Variants in MAPK10 observed in about 807,000 individuals in gnomAD.
MAPK10 encodes JNK3 alpha protein kinase.
Under a neutral mutation model 59.3 loss-of-function variants are expected in MAPK10, and 25 were observed. The observed-to-expected ratio is 0.42, with a 90% CI of 0.31 to 0.59. The LOEUF (loss-of-function observed/expected upper bound fraction) is 0.59, where lower values mean the gene tolerates loss of function less well. MAPK10 is among the 20% of genes least tolerant of loss of function. The pLI is 0.15. For synonymous variants in MAPK10, 190 were observed against 200.5 expected, an observed-to-expected ratio of 0.95 and a Z score of 0.44; for missense variants, 351 against 568.9, an observed-to-expected ratio of 0.62 and a Z score of 3.90.
chr4:86,591,672 C>A (rs1357524622), intron 1 of MAPK10, among the ~76,000 whole-genome samples: 1 of 152,132 alleles, frequency 6.6e-6, no homozygotes, highest in Non-Finnish European at 1.5e-5. Context: ...CTGTGCCCCA[C>A]CCCCCGTATG....
chr4:86,350,492 G>A (rs534660229), intron 2 of MAPK10, among the ~76,000 whole-genome samples: 1 of 152,200 alleles, frequency 6.6e-6, no homozygotes, highest in East Asian at 1.9e-4. Context: ...GGGATTACAG[G>A]CGTGAGCCAC....
intron 1 of MAPK10, among the ~76,000 whole-genome samples, chr4:86,439,588 C>T (rs1180488146): frequency 6.6e-6 from 1 of 152,172 alleles, no homozygotes; most frequent in Non-Finnish European, 1.5e-5. Context: ...CAGACGTTTT[C>T]CTTTCTCTTG....
chr4:86,290,979 T>A (rs919028430), intron 2 of MAPK10, among the ~76,000 whole-genome samples: 1 of 152,096 alleles, frequency 6.6e-6, no homozygotes, highest in African/African-American at 2.4e-5. Context: ...TAAGGCAGGG[T>A]CAACATTCTC....
chr4:86,470,898 A>T (rs1279674864), intron 1 of MAPK10, among the ~76,000 whole-genome samples: 1 of 152,244 alleles, frequency 6.6e-6, no homozygotes. Context: ...AATTAAGATT[A>T]GTAGCCAAAA....
At chr4:86,018,258 G>A (rs538071597) in intron 13 of MAPK10, among the ~76,000 whole-genome samples, 1 of 151,324 alleles carries the variant, frequency 6.6e-6, no homozygotes, top group East Asian at 1.9e-4. Context: ...GAGAAAGGAA[G>A]ATATATAAAT....
chr4:86,279,698 T>C (rs1181240127), intron 2 of MAPK10, among the ~76,000 whole-genome samples: 2 of 152,108 alleles, frequency 1.3e-5, no homozygotes, highest in African/African-American at 4.8e-5. Flanking sequence ...GGGGCTCAAC[T>C]AACCAAACAC....
rs541154009 is a variant in MAPK10, at chr4:86,382,248, G to C, written c.-121-27604C>G. Among the ~76,000 whole-genome samples the C allele has an allele frequency of 1.3e-4, 20 of 151,952 alleles. No individual in the cohort carries two copies. In the East Asian group the frequency reaches 3.9e-3, roughly 30 times the overall value. On this transcript the variant is annotated intron_variant, in intron 1 of 13. Transcript: ENST00000361569. ...CTCAGAGCAGAGAGACGAATGGAGG[G>C]AGGTGGAAAGTGGATTCGGAGAGGC...
At chr4:86,222,514 A>G in intron 2 of MAPK10, among the ~76,000 whole-genome samples, 1 of 152,186 alleles carries the variant, frequency 6.6e-6, no homozygotes, top group East Asian at 1.9e-4. Flanking sequence ...GGGTCACTGC[A>G]ACTTCACAGA....
rs1194318297 is a variant in MAPK10 at position 86,199,065 on chromosome 4, A to G, written c.-6-4658T>C. On this transcript the variant is annotated intron_variant, in intron 2 of 13. Coordinates refer to ENST00000641462, the MANE Select transcript of MAPK10 (RefSeq NM_138982.4). ...TATTTGGAAGGAGGTTGATTTGAAT[A>G]TTTGTACATTACTAATAGGTGTGGC... Among the ~76,000 whole-genome samples the G allele has an allele frequency of 2.0e-5, 3 of 152,048 alleles. No homozygotes were observed. In the East Asian group the frequency reaches 5.8e-4, roughly 29 times the overall value.
At chr4:86,177,797 CA>C (rs1221712794) in intron 3 of MAPK10, among the ~76,000 whole-genome samples, 1 of 151,724 alleles carries the variant, frequency 6.6e-6, no homozygotes, top group Non-Finnish European at 1.5e-5. Flanking sequence ...AACACTGTGC[CA>C]AAAAGTAATA....
intron 1 of MAPK10, among the ~76,000 whole-genome samples, chr4:86,578,241 A>G (rs1159477017): frequency 6.6e-6 from 1 of 152,118 alleles, no homozygotes; most frequent in Admixed American, 6.5e-5. Context: ...GATGCTGCTA[A>G]ACATCCTGTA....
chr4:86,326,370 A>T (rs919398834), intron 2 of MAPK10: 1 of 152,096 alleles, frequency 6.6e-6, no homozygotes, highest in Non-Finnish European at 1.5e-5. Flanking sequence ...TAGAAAATTT[A>T]CTCTGATTTC....
chr4:86,387,185 T>C (rs115741161), intron 1 of MAPK10, among the ~76,000 whole-genome samples: 2,295 of 152,222 alleles, frequency 0.015, 67 homozygotes, highest in African/African-American at 0.052. Flanking sequence ...CACAGGGAGC[T>C]GGTCACGTTA....
intron 9 of MAPK10, among the ~76,000 whole-genome samples, chr4:86,084,485 T>C (rs2051336596): frequency 6.6e-6 from 1 of 152,120 alleles, no homozygotes; most frequent in Non-Finnish European, 1.5e-5. Flanking sequence ...AAATCAAAAG[T>C]GTAATCCCAT....
chr4:86,555,007 A>T (rs1212312327), intron 1 of MAPK10, among the ~76,000 whole-genome samples: 1 of 152,180 alleles, frequency 6.6e-6, no homozygotes, highest in Non-Finnish European at 1.5e-5. Context: ...TATATAACAA[A>T]TTCTCATTCT....
intron 2 of MAPK10, among the ~76,000 whole-genome samples, chr4:86,212,842 T>C (rs1411544228): frequency 6.6e-6 from 1 of 152,078 alleles, no homozygotes; most frequent in Non-Finnish European, 1.5e-5. Flanking sequence ...ACAAATTATA[T>C]GTAAAGAAAT....
chr4:86,201,032 T>C (rs1219591180), intron 2 of MAPK10, among the ~76,000 whole-genome samples: 1 of 151,810 alleles, frequency 6.6e-6, no homozygotes, highest in South Asian at 2.1e-4. Flanking sequence ...TTGGTAATCA[T>C]CATTCTACTC....
intron 2 of MAPK10, among the ~76,000 whole-genome samples, chr4:86,301,477 C>G (rs1294759766): frequency 1.3e-5 from 2 of 151,894 alleles, no homozygotes; most frequent in Admixed American, 1.3e-4. Context: ...AGTCTTGGAG[C>G]TGCCACAGCC....
intron 1 of MAPK10, among the ~76,000 whole-genome samples, chr4:86,541,479 G>C (rs1758691296): frequency 6.6e-6 from 1 of 152,188 alleles, no homozygotes; most frequent in African/African-American, 2.4e-5. Flanking sequence ...CCAGGAAGGG[G>C]AGAAGAAGTG....
Sources: allele counts gnomAD v4.1 joint callset (sites outside exome capture counted in the v4.1 genomes callset), GRCh38; gene constraint gnomAD v4.1.1; transcripts MANE v1.5; gene names NCBI Gene and HGNC (gene_info 2026-07-23, HGNC 2026-07-21).